The following RTN1 variants were observed in gnomAD, a reference collection of about 807,000 sequenced individuals.
The protein encoded by RTN1 is reticulon 1, also known as reticulon-1.
A neutral mutation model predicts 65.5 loss-of-function variants in RTN1; 25 were observed. The ratio of observed to expected loss-of-function variants is 0.38; its 90% CI spans 0.28 to 0.53. The LOEUF (loss-of-function observed/expected upper bound fraction) is 0.53, where lower values mean the gene tolerates loss of function less well. Among genes scored for constraint, RTN1 ranks in the 20% least tolerant of loss-of-function variants. The pLI, the probability that RTN1 is intolerant of heterozygous loss-of-function variation, is 0.79. For missense variants in RTN1, 983 were observed against 1,025.4 expected (o/e 0.96, Z 0.57); for synonymous variants, 471 against 447.6 (o/e 1.05, Z -0.66).
intron 3 of RTN1, among the ~76,000 whole-genome samples, chr14:59,684,018 T>A (rs1248330011): frequency 6.6e-6 from 1 of 152,002 alleles, no homozygotes; most frequent in Admixed American, 6.6e-5. Context: ...GCATTTAAAG[T>A]TTTCTAATGA....
At chr14:59,603,181 A>C (rs371995788) in intron 7 of RTN1, 31 bp downstream of exon 7, 1 of 1,612,398 alleles carries the variant, frequency 6.2e-7, no homozygotes, top group Non-Finnish European at 8.5e-7. Context: ...TCAAAATTCA[A>C]TGCCATTTTT....
intron 3 of RTN1, among the ~76,000 whole-genome samples, chr14:59,644,705 G>A (rs996433312): frequency 1.3e-5 from 2 of 152,232 alleles, no homozygotes; most frequent in African/African-American, 4.8e-5. Context: ...GCCACCGATG[G>A]TGGCATTATA....
intron 1 of RTN1, among the ~76,000 whole-genome samples, chr14:59,781,775 T>G (rs1456123652): frequency 2.0e-5 from 3 of 152,196 alleles, no homozygotes; most frequent in Non-Finnish European, 4.4e-5. Flanking sequence ...GGGTATTTGA[T>G]TTGATTAAAA....
chr14:59,860,073 G>C (rs1220325350), intron 1 of RTN1, among the ~76,000 whole-genome samples: 1 of 152,174 alleles, frequency 6.6e-6, no homozygotes, highest in Non-Finnish European at 1.5e-5. Flanking sequence ...AAGTAACAAG[G>C]AGCCAAATGT....
At position 59,631,500 on chromosome 14, in the gene RTN1, CT is replaced by C. The variant is rs1193287388; in HGVS notation, c.1766-24009del. Among the ~76,000 whole-genome samples, 5 of 152,294 alleles carry C rather than the reference CT, an allele frequency of 3.3e-5. 1 individual carries two copies. The highest frequency in any genetic ancestry group is 1.2e-4 in the African/African-American group (5 of 41,550). ...GGTGGTGTGTATTTGGGAGATAAGA[CT>C]TTTGGCTTCCAAGCCCAGGTAGTTA... On this transcript the variant is annotated intron_variant, in intron 3 of 8. Coordinates refer to ENST00000267484, the MANE Select transcript of RTN1 (RefSeq NM_021136.3).
chr14:59,642,390 T>C (rs2140192617), intron 3 of RTN1, among the ~76,000 whole-genome samples: 1 of 152,284 alleles, frequency 6.6e-6, no homozygotes, highest in East Asian at 1.9e-4. Context: ...TATATATTTC[T>C]TCAAATATTC....
intron 3 of RTN1, among the ~76,000 whole-genome samples, chr14:59,629,605 T>G (rs1427601738): frequency 6.6e-6 from 1 of 152,220 alleles, no homozygotes; most frequent in East Asian, 1.9e-4. Flanking sequence ...ATTATCTTTC[T>G]CCTCATACTC....
chr14:59,840,526 G>A lies in RTN1; in HGVS notation c.241+29864C>T, dbSNP rs568401731. On this transcript the variant is annotated intron_variant, in intron 1 of 8. Coordinates refer to ENST00000267484, the MANE Select transcript of RTN1 (RefSeq NM_021136.3). ...GAAGTATCTACCACGTATGGTTGTC[G>A]TAGGAGTAAATGCGATGTGGTCTGA... Among the ~76,000 whole-genome samples, 59 of 152,242 alleles carry A rather than the reference G, an allele frequency of 3.9e-4. 2 individuals carry two copies. In the South Asian group the frequency reaches 0.012, roughly 30 times the overall value.
At chr14:59,707,708 TACACACACACACACAC>T (rs34046826) in intron 3 of RTN1, among the ~76,000 whole-genome samples, 2 of 145,674 alleles carry the variant, frequency 1.4e-5, no homozygotes, top group African/African-American at 2.5e-5. Context: ...CTCTCTCTTT[TACACACACACACACAC>T]ACACACACAC....
chr14:59,826,989 T>C (rs1244819685), intron 1 of RTN1, among the ~76,000 whole-genome samples: 1 of 152,228 alleles, frequency 6.6e-6, no homozygotes, highest in African/African-American at 2.4e-5. Context: ...GGCTGGTAGC[T>C]GGATGACAAG....
intron 3 of RTN1, among the ~76,000 whole-genome samples, chr14:59,648,257 C>T (rs942993575): frequency 2.6e-5 from 4 of 152,170 alleles, no homozygotes; most frequent in South Asian, 4.1e-4. Flanking sequence ...AATTGCTTCC[C>T]TGACCAGACC....
chr14:59,600,858 T>C (rs1595106243), intron 8 of RTN1, among the ~76,000 whole-genome samples: 1 of 152,212 alleles, frequency 6.6e-6, no homozygotes, highest in South Asian at 2.1e-4. Flanking sequence ...TTGTATATAC[T>C]TTATATTCTC....
At chr14:59,770,889 A>G (rs1885943740) in intron 1 of RTN1, among the ~76,000 whole-genome samples, 1 of 152,106 alleles carries the variant, frequency 6.6e-6, no homozygotes, top group African/African-American at 2.4e-5. Context: ...TACTAAAAAT[A>G]CAAAAAAATT....
chr14:59,688,594 T>C (rs1566685831), intron 3 of RTN1, among the ~76,000 whole-genome samples: 2 of 152,136 alleles, frequency 1.3e-5, no homozygotes, highest in Non-Finnish European at 2.9e-5. Flanking sequence ...CCCAGCCACA[T>C]TGGCCACAGA....
intron 1 of RTN1, among the ~76,000 whole-genome samples, chr14:59,748,845 A>G (rs1333018067): frequency 6.6e-6 from 1 of 151,946 alleles, no homozygotes; most frequent in Non-Finnish European, 1.5e-5. Flanking sequence ...GCTGGAGTGC[A>G]GTGGAGCGAT....
chr14:59,749,708 T>C (rs1409807516), intron 1 of RTN1, among the ~76,000 whole-genome samples: 1 of 91,216 alleles, frequency 1.1e-5, no homozygotes, highest in East Asian at 2.7e-4. Flanking sequence ...TCTATATATA[T>C]CTATATATTT....
At position 59,762,196 on chromosome 14, in the gene RTN1, C is replaced by A. The variant is rs1952045; in HGVS notation, c.242-15715G>T. ...GTAGAAAAATCACAGGCATCAGAGT[C>A]CTGGAATTGGACATCCCCATTGAAT... On this transcript the variant is annotated intron_variant, in intron 1 of 8. Coordinates refer to ENST00000267484, the MANE Select transcript of RTN1 (RefSeq NM_021136.3). Among the ~76,000 whole-genome samples, 4 of 152,164 alleles carry A rather than the reference C, an allele frequency of 2.6e-5. No homozygotes were observed. The East Asian group carries it at 7.7e-4, about 29-fold the overall frequency.
intron 1 of RTN1, among the ~76,000 whole-genome samples, chr14:59,869,984 G>C (rs1309849517): frequency 6.6e-6 from 1 of 152,090 alleles, no homozygotes; most frequent in Admixed American, 6.5e-5. Flanking sequence ...TCCTGTAGCC[G>C]GCGCGCACAC....
At chr14:59,732,954 A>G (rs1224970548) in intron 2 of RTN1, among the ~76,000 whole-genome samples, 2 of 152,066 alleles carry the variant, frequency 1.3e-5, no homozygotes, top group Non-Finnish European at 2.9e-5. Flanking sequence ...GGGGGTCACC[A>G]TCTCTGCTGT....
Sources: gnomAD v4.1 joint callset for allele counts (sites outside exome capture counted in the v4.1 genomes callset) on GRCh38, gnomAD v4.1.1 for gene constraint, MANE v1.5 for transcripts, NCBI Gene and HGNC (gene_info 2026-07-23, HGNC 2026-07-21) for gene names.